NEURL2: variants seen among roughly 807,000 people sequenced by gnomAD.
NEURL2 encodes neuralized E3 ubiquitin protein ligase 2.
NEURL2 carries 16 observed loss-of-function variants against 15.9 expected under a neutral mutation model. That is an observed-to-expected ratio of 1.01 (90% confidence interval 0.68 to 1.53). The LOEUF (loss-of-function observed/expected upper bound fraction) is 1.53, where lower values mean the gene tolerates loss of function less well. Ranked by LOEUF, NEURL2 falls within the 40% of genes most tolerant of loss-of-function variation. The probability of loss-of-function intolerance (pLI) is 0.00; values close to 1 mark genes in which losing one functional copy is unlikely to be tolerated. For synonymous variants in NEURL2, 188 were observed against 178.3 expected, an observed-to-expected ratio of 1.05 and a Z score of -0.43; for missense variants, 393 against 407.8, an observed-to-expected ratio of 0.96 and a Z score of 0.31.
At position 45,890,557 on chromosome 20, in the gene NEURL2, T is replaced by G; in HGVS notation, c.435A>C (p.Pro145=). The G allele has an allele frequency of 6.2e-7, 1 of 1,611,686 alleles. No individual in the cohort carries two copies. The highest frequency in any genetic ancestry group is 8.5e-7 in the Non-Finnish European group (1 of 1,179,010). The change falls in exon 1 of 2, where the codon CCA becomes CCC. Residue 145 remains proline, a synonymous_variant. Coordinates refer to ENST00000372518, the MANE Select transcript of NEURL2 (RefSeq NM_080749.4). Reference sequence around the variant, plus strand: ...TGCGAAACTGCTCAATGCGCAGATATGGTTCCACGAGGAGGGTTGGAGGTC... The same window carrying G: ...TGCGAAACTGCTCAATGCGCAGATAGGGTTCCACGAGGAGGGTTGGAGGTC... ...PSRPPTLLVE[P]YLRIEQFRIP...
chr20:45,890,407 G>T lies in NEURL2; in HGVS notation c.585C>A (p.Cys195Ter). ...TGTCGGCCGTGCCATCGGGGCGCGG[G>T]CAAAAGAGGACACCCAGGCGGCTAC... Reference protein sequence around the residue: ...ARRSRLGVLFCPRPDGTADMH... With the variant: ...ARRSRLGVLF Residue 195 changes from cysteine (C) to a stop codon, truncating the protein, a stop_gained, in exon 1 of 2, where the codon TGC becomes TGA. Transcript: ENST00000372518. LOFTEE classifies it high-confidence loss of function. 8.7e-6 allele frequency: 14 copies of T among 1,612,284 alleles called. No homozygotes were observed. The highest frequency in any genetic ancestry group is 1.2e-5 in the Non-Finnish European group (14 of 1,179,606).
Position 45,890,482 on chromosome 20 carries a change from A to T in NEURL2, c.510T>A (p.His170Gln). Reference sequence around the variant, plus strand: ...TCAGCTCATAGAGCTGGTCCAAGAGATGGCTGTAGAGCCCTGGCCGGCTGC... The same window carrying T: ...TCAGCTCATAGAGCTGGTCCAAGAGTTGGCTGTAGAGCCCTGGCCGGCTGC... ...VGRSRPGLYSHLLDQLYELNV... is the reference protein window; with the variant it reads ...VGRSRPGLYSQLLDQLYELNV... Residue 170 changes from histidine to glutamine, a missense_variant, in exon 1 of 2, where the codon CAT (histidine) becomes CAA (glutamine). By Grantham distance (24) the His-to-Gln change is conservative. Transcript: ENST00000372518. The T allele has an allele frequency of 1.9e-6, 3 of 1,598,960 alleles. No homozygotes were observed. The highest frequency in any genetic ancestry group is 1.7e-5 in the Admixed American group (1 of 58,866).
chr20:45,889,524 T>C (rs1986639463), intron 1 of NEURL2, among the ~76,000 whole-genome samples: 1 of 152,096 alleles, frequency 6.6e-6, no homozygotes, highest in African/African-American at 2.4e-5. Flanking sequence ...AGATAATTAT[T>C]TAATTTTTTG....
chr20:45,891,164 C>A lies in NEURL2; in HGVS notation c.-173G>T. On this transcript the variant is annotated 5_prime_UTR_variant, in exon 1 of 2. Coordinates refer to ENST00000372518, the MANE Select transcript of NEURL2 (RefSeq NM_080749.4). The surrounding 1 kb of genome is among the most constrained non-coding windows in gnomAD (Gnocchi z 4.6). ...GCCATCCCGCCTACAACTTAGCCGT[C>A]CACAACAGGATCATCTGATCGCGTG... The A allele has an allele frequency of 9.9e-7, 1 of 1,013,078 alleles. No homozygotes were observed. The highest frequency in any genetic ancestry group is 1.5e-6 in the Non-Finnish European group (1 of 681,572). The allele number at this position is 1,013,078 out of a possible 1,614,324, so 62.8% of individuals were successfully genotyped here. A position where few individuals can be genotyped will look rare whatever the true frequency, so the allele number is the denominator to read the frequency against.
rs752205096 is a variant in NEURL2 at position 45,890,984 on chromosome 20, G to A, written c.8C>T (p.Ala3Val). 2.1e-5 allele frequency: 31 copies of A among 1,488,622 alleles called. No homozygotes were observed. Among genetic ancestry groups the A allele is most frequent in the Non-Finnish European group, 2.7e-5 (30 of 1,119,172 alleles). 92.2% of individuals were successfully genotyped at this position (1,488,622 alleles called of 1,614,324 possible). A position where few individuals can be genotyped will look rare whatever the true frequency, so the allele number is the denominator to read the frequency against. The change falls in exon 1 of 2, where the codon GCT becomes GTT. Residue 3 changes from alanine (A) to valine (V), a missense_variant. Physicochemically the swap from Ala to Val is moderately conservative, Grantham distance 64. Transcript: ENST00000372518. ...ACCCGAATCCACGGGCTCGGAGGCA[G>A]CAGCCATCTCTCGGCCATAGGGCAG... MA[A>V]ASEPVDSGAL... is the part of the protein sequence containing the mutation.
rs1263822834 is a variant in NEURL2, at chr20:45,890,255, T to C, written c.737A>G (p.Tyr246Cys). 1.2e-6 allele frequency: 2 copies of C among 1,613,820 alleles called. No homozygotes were observed. Among genetic ancestry groups the C allele is most frequent in the South Asian group, 2.2e-5 (2 of 91,088 alleles). Residue 246 changes from tyrosine (Y) to cysteine (C), a missense_variant, in exon 1 of 2, where the codon TAT (tyrosine) becomes TGT (cysteine). Coordinates refer to ENST00000372518, the MANE Select transcript of NEURL2 (RefSeq NM_080749.4). ...TKSVRLVQLE[Y>C]GLPSLQTLCR... ...CGCTGCCCAGGGATACCTACAGCCA[T>C]ACTCGAGCTGGACAAGGCGCACGCT...
intron 1 of NEURL2, among the ~76,000 whole-genome samples, chr20:45,889,144 C>T (rs1020355045): frequency 2.0e-5 from 3 of 152,130 alleles, no homozygotes; most frequent in African/African-American, 7.2e-5. Context: ...GTCTGATTTG[C>T]CTGTGCAACT....
Position 45,890,609 on chromosome 20 carries a change from G to A in NEURL2, c.383C>T (p.Pro128Leu). 3 of 1,612,730 alleles carry A rather than the reference G, an allele frequency of 1.9e-6. No homozygotes were observed. The highest frequency in any genetic ancestry group is 2.5e-6 in the Non-Finnish European group (3 of 1,179,498). Residue 128 changes from proline (P) to leucine (L), a missense_variant, in exon 1 of 2, where the codon CCG (proline) becomes CTG (leucine). Transcript: ENST00000372518. ...GCTGGGGGCCGCTGCCTCCGCCTCC[G>A]GGCGGCCCTCCCGGGGCACGCGGTT... ...HHNRVPREGR[P>L]EAEAAAPSRP...
chr20:45,890,177 A>T, intron 1 of NEURL2, 73 bp downstream of exon 1: 1 of 1,552,084 alleles, frequency 6.4e-7, no homozygotes, highest in Non-Finnish European at 8.9e-7. Context: ...GGCCTAGCAC[A>T]TGGGCTACGG....
chr20:45,891,033 T>A lies in NEURL2; in HGVS notation c.-42A>T. 6.9e-7 allele frequency: 1 copy of A among 1,452,430 alleles called. No individual in the cohort carries two copies. Among genetic ancestry groups the A allele is most frequent in the Non-Finnish European group, 9.1e-7 (1 of 1,103,014 alleles). 90.0% of individuals were successfully genotyped at this position (1,452,430 alleles called of 1,614,324 possible). On this transcript the variant is annotated 5_prime_UTR_variant, in exon 1 of 2. Transcript: ENST00000372518. The surrounding 1 kb of genome is among the most constrained non-coding windows in gnomAD (Gnocchi z 4.6). ...AGGCCAGCTGGCGCCGGGGGCTATT[T>A]TGGGCGGCGGGCAATGATGGTGACC...
chr20:45,889,603 C>A (rs1226000254), intron 1 of NEURL2, among the ~76,000 whole-genome samples: 2 of 124,034 alleles, frequency 1.6e-5, no homozygotes. Flanking sequence ...TGCTTTCTCT[C>A]TCTTCCTCTC....
chr20:45,890,932 C>T lies in NEURL2; in HGVS notation c.60G>A (p.Glu20=), dbSNP rs765612364. Residue 20 remains glutamate, a synonymous_variant, in exon 1 of 2, where the codon GAG becomes GAA. Transcript: ENST00000372518. ...SGALWGLERP[E]PPPTRFHRVH... The stretch of plus-strand genomic sequence containing the variant: ...CCCGATGGAAGCGGGTGGGAGGGGG[C>T]TCCGGGCGCTCGAGTCCCCAGAGTG... The T allele has an allele frequency of 5.9e-6, 9 of 1,526,452 alleles. No individual in the cohort carries two copies. In the East Asian group the frequency reaches 1.9e-4, roughly 32 times the overall value. The allele number at this position is 1,526,452 out of a possible 1,614,324, so 94.6% of individuals were successfully genotyped here.
In NEURL2 at chr20:45,890,142, C is replaced by T. The variant is rs1487633972; in HGVS notation, c.742+108G>A. On this transcript the variant is annotated intron_variant, in intron 1 of 1. Coordinates refer to ENST00000372518, the MANE Select transcript of NEURL2 (RefSeq NM_080749.4). ...CAATTTGAAGCTAGATTCTCCCACT[C>T]TTAAACTAGTGCCGGACAGACGAAG... 8 of 1,264,102 alleles carry T rather than the reference C, an allele frequency of 6.3e-6. No individual in the cohort carries two copies. The Admixed American group carries it at 1.5e-4, about 24-fold the overall frequency. 78.3% of individuals were successfully genotyped at this position (1,264,102 alleles called of 1,614,324 possible).
At chr20:45,889,312 T>C (rs1986620273) in intron 1 of NEURL2, among the ~76,000 whole-genome samples, 2 of 152,162 alleles carry the variant, frequency 1.3e-5, no homozygotes, top group African/African-American at 4.8e-5. Context: ...TCGAAGCCAA[T>C]AGCCAATATG....
Position 45,890,696 on chromosome 20 carries a change from A to G in NEURL2, c.296T>C (p.Phe99Ser), listed in dbSNP as rs748011126. The change falls in exon 1 of 2, where the codon TTT becomes TCT. Residue 99 changes from phenylalanine to serine, a missense_variant. Transcript: ENST00000372518. ...DPASLAPVPE[F>S]SLPDLVNLGH... ...CAGGTTGACCAGATCGGGCAGAGAAAACTCGGGAACGGGGGCCAGACTGGC... is the reference window on the plus strand; with the variant it reads ...CAGGTTGACCAGATCGGGCAGAGAAGACTCGGGAACGGGGGCCAGACTGGC... 1.9e-6 allele frequency: 3 copies of G among 1,613,726 alleles called. No homozygotes were observed. Among genetic ancestry groups the G allele is most frequent in the Non-Finnish European group, 2.5e-6 (3 of 1,179,880 alleles).
chr20:45,891,146 C>G lies in NEURL2; in HGVS notation c.-155G>C. 1 of 1,008,494 alleles carries G rather than the reference C, an allele frequency of 9.9e-7. No individual in the cohort carries two copies. Among genetic ancestry groups the G allele is most frequent in the Non-Finnish European group, 1.4e-6 (1 of 689,782 alleles). 62.5% of individuals were successfully genotyped at this position (1,008,494 alleles called of 1,614,324 possible). On this transcript the variant is annotated 5_prime_UTR_variant, in exon 1 of 2. Coordinates refer to ENST00000372518, the MANE Select transcript of NEURL2 (RefSeq NM_080749.4). This position sits in a 1 kb window ranked among gnomAD's most constrained non-coding sequence, Gnocchi z 4.6. The stretch of plus-strand genomic sequence containing the variant: ...CCTAGCGCCGCTTTCTCAGCCATCC[C>G]GCCTACAACTTAGCCGTCCACAACA...
In NEURL2 at chr20:45,888,882, A is replaced by T; in HGVS notation, c.743-9T>A. 1 of 1,614,112 alleles carries T rather than the reference A, an allele frequency of 6.2e-7. No homozygotes were observed. Among genetic ancestry groups the T allele is most frequent in the Non-Finnish European group, 8.5e-7 (1 of 1,179,988 alleles). On this transcript the variant is annotated splice_polypyrimidine_tract_variant and intron_variant, in intron 1 of 1. Coordinates refer to ENST00000372518, the MANE Select transcript of NEURL2 (RefSeq NM_080749.4). The stretch of plus-strand genomic sequence containing the variant: ...AGTCTGCAGGGATGGCACTGTGGGA[A>T]GAAGACTGTGAAAGGCAAACTGAAC...
chr20:45,889,036 TC>T (rs1182300130), intron 1 of NEURL2, 163 bp from the exon 2 acceptor site: 1 of 710,062 alleles, frequency 1.4e-6, no homozygotes, highest in Non-Finnish European at 2.3e-6. Context: ...AAGCACCTCT[TC>T]CTGAGAGCTG....
intron 1 of NEURL2, 108 bp from the exon 2 acceptor site, chr20:45,888,981 G>T: frequency 1.5e-6 from 2 of 1,292,546 alleles, no homozygotes; most frequent in Non-Finnish European, 1.1e-6. Context: ...ATGTGGGCAA[G>T]TCCTTACTGC....
Sources: gnomAD v4.1 joint callset for allele counts (sites outside exome capture counted in the v4.1 genomes callset) on GRCh38, gnomAD v4.1.1 for gene constraint, Gnocchi (gnomAD v3.1) non-coding constraint, MANE v1.5 for transcripts, NCBI Gene and HGNC (gene_info 2026-07-23, HGNC 2026-07-21) for gene names.